MFSD1: variants seen among roughly 807,000 people sequenced by gnomAD.
MFSD1 encodes the protein major facilitator superfamily domain containing 1, also known as lysosomal dipeptide transporter MFSD1.
Under a neutral mutation model 67.1 loss-of-function variants are expected in MFSD1, and 59 were observed. The ratio of observed to expected loss-of-function variants is 0.88; its 90% CI spans 0.71 to 1.09. MFSD1 has a LOEUF of 1.09. Among genes scored for constraint, MFSD1 ranks in the 50% least tolerant of loss-of-function variants. The pLI is 0.00. For missense variants in MFSD1, 552 were observed against 566.1 expected (o/e 0.97, Z 0.25); for synonymous variants, 213 against 200.3 (o/e 1.06, Z -0.54).
chr3:158,827,479 G>A (rs1731042126), intron 15 of MFSD1, 142 bp downstream of exon 15: 2 of 486,326 alleles, frequency 4.1e-6, no homozygotes, highest in Non-Finnish European at 7.1e-6. Flanking sequence ...TAGTGGCATG[G>A]TCACAGCTCA....
intron 13 of MFSD1, 31 bp from the exon 14 acceptor site, chr3:158,825,984 T>C: frequency 6.3e-7 from 1 of 1,582,610 alleles, no homozygotes; most frequent in East Asian, 2.2e-5. Flanking sequence ...GAAATACATA[T>C]TTTAAGGGCC....
chr3:158,817,175 T>G (rs1242392009), intron 7 of MFSD1, among the ~76,000 whole-genome samples: 1 of 152,124 alleles, frequency 6.6e-6, no homozygotes, highest in Non-Finnish European at 1.5e-5. Flanking sequence ...AGCATTCCCT[T>G]TGAAAACTGG....
intron 2 of MFSD1, among the ~76,000 whole-genome samples, chr3:158,805,142 T>A (rs1475394312): frequency 6.6e-6 from 1 of 152,168 alleles, no homozygotes; most frequent in Non-Finnish European, 1.5e-5. Flanking sequence ...ACTCAAGAAG[T>A]TCCCAGGGTT....
At chr3:158,828,688 G>T (rs558648802) in intron 15 of MFSD1, among the ~76,000 whole-genome samples, 1 of 152,000 alleles carries the variant, frequency 6.6e-6, no homozygotes, top group African/African-American at 2.4e-5. Context: ...TCACATGCTT[G>T]TTTTAAACCC....
At chr3:158,825,047 CT>C (rs1381398544) in intron 13 of MFSD1, 1 of 152,126 alleles carries the variant, frequency 6.6e-6, no homozygotes, top group Non-Finnish European at 1.5e-5. Context: ...TGTTTTTTGT[CT>C]ATTTTTGTTG....
At chr3:158,811,823 A>G (rs1392999594) in intron 6 of MFSD1, among the ~76,000 whole-genome samples, 1 of 152,202 alleles carries the variant, frequency 6.6e-6, no homozygotes, top group East Asian at 1.9e-4. Context: ...GCATTACTCA[A>G]ATAAGCAACA....
At chr3:158,824,050 T>C in intron 12 of MFSD1, 74 bp from the exon 13 acceptor site, 2 of 982,330 alleles carry the variant, frequency 2.0e-6, no homozygotes, top group Non-Finnish European at 3.2e-6. Context: ...GATACTAATA[T>C]TTATAGTGAA....
intron 2 of MFSD1, 139 bp from the exon 3 acceptor site, chr3:158,805,223 T>G: frequency 1.4e-6 from 1 of 704,668 alleles, no homozygotes; most frequent in South Asian, 1.6e-5. Flanking sequence ...TTAGTGAGAC[T>G]TATAAATGGT....
At chr3:158,812,797 C>T (rs886954701) in intron 6 of MFSD1, among the ~76,000 whole-genome samples, 1 of 152,134 alleles carries the variant, frequency 6.6e-6, no homozygotes, top group Non-Finnish European at 1.5e-5. Flanking sequence ...GCTTCCCTTC[C>T]CACCATTTCC....
intron 7 of MFSD1, among the ~76,000 whole-genome samples, chr3:158,815,305 T>G (rs1246814334): frequency 6.6e-6 from 1 of 151,984 alleles, no homozygotes; most frequent in Non-Finnish European, 1.5e-5. Context: ...TTCTGTCATC[T>G]TGGATAAGAA....
Position 158,802,132 on chromosome 3 carries a change from T to A in MFSD1, c.-21T>A, listed in dbSNP as rs780036090. ...GTTTGGAGTTGTCACCACTTTCCCC[T>A]CTCCGTCTCCTGCGGGCGCAATGGA... On this transcript the variant is annotated 5_prime_UTR_variant, in exon 1 of 16. Coordinates refer to ENST00000415822, the MANE Select transcript of MFSD1 (RefSeq NM_022736.4). 1 of 1,611,190 alleles carries A rather than the reference T, an allele frequency of 6.2e-7. No individual in the cohort carries two copies. The highest frequency in any genetic ancestry group is 2.2e-5 in the East Asian group (1 of 44,816).
At position 158,823,500 on chromosome 3, in the gene MFSD1, C is replaced by T. The variant is rs373205664; in HGVS notation, c.1150C>T (p.His384Tyr). The change falls in exon 12 of 16, where the codon CAT becomes TAT. Residue 384 changes from histidine (H) to tyrosine (Y), a missense_variant. Coordinates refer to ENST00000415822, the MANE Select transcript of MFSD1 (RefSeq NM_022736.4). ...WPMVAFVVPE[H>Y]QLGTAYGFMQ... ...AATGGTGGCATTTGTAGTTCCTGAA[C>T]ATCAGCTGGGAACTGCATATGGCTT... 1.9e-5 allele frequency: 31 copies of T among 1,612,624 alleles called. No individual in the cohort carries two copies. Among genetic ancestry groups the T allele is most frequent in the Non-Finnish European group, 2.6e-5 (31 of 1,178,744 alleles).
In MFSD1 at chr3:158,822,296, A is replaced by G. The variant is rs956974595; in HGVS notation, c.1077+156A>G. On this transcript the variant is annotated intron_variant, in intron 11 of 15. Coordinates refer to ENST00000415822, the MANE Select transcript of MFSD1 (RefSeq NM_022736.4). ...AATATCTACAAAATAATTATTTTTTAAAGTATAATTATGAATTATTAACAT... is the reference window on the plus strand; with the variant it reads ...AATATCTACAAAATAATTATTTTTTGAAGTATAATTATGAATTATTAACAT... 9 of 496,332 alleles carry G rather than the reference A, an allele frequency of 1.8e-5. No individual in the cohort carries two copies. The East Asian group carries it at 1.8e-4, about 10-fold the overall frequency. The allele number at this position is 496,332 out of a possible 1,614,324, so 30.7% of individuals were successfully genotyped here.
intron 1 of MFSD1, among the ~76,000 whole-genome samples, chr3:158,803,013 A>G (rs562062388): frequency 6.6e-6 from 1 of 152,272 alleles, no homozygotes; most frequent in Admixed American, 6.5e-5. Context: ...GCTTCAGTGA[A>G]TAGATATTGT....
At chr3:158,805,245 T>C in intron 2 of MFSD1, 117 bp from the exon 3 acceptor site, 4 of 813,826 alleles carry the variant, frequency 4.9e-6, no homozygotes, top group South Asian at 1.4e-5. Context: ...AAAAAAAACT[T>C]GCCCTTTACA....
chr3:158,827,420 GT>G (rs61485884), intron 15 of MFSD1, 83 bp downstream of exon 15: 44,602 of 470,748 alleles, frequency 0.095, 27 homozygotes, highest in South Asian at 0.12. Flanking sequence ...GGGCTTTGAA[GT>G]TTTTTTTTTT....
At chr3:158,826,121 C>A in intron 14 of MFSD1, 59 bp downstream of exon 14, 1 of 1,420,160 alleles carries the variant, frequency 7.0e-7, no homozygotes, top group South Asian at 1.2e-5. Flanking sequence ...TGTGGGGTCT[C>A]TGGGTCTGCC....
rs1729923729 is a variant in MFSD1, at chr3:158,810,117, CA to C, written c.549+831del. 3.9e-5 allele frequency among the ~76,000 whole-genome samples: 6 copies of C among 152,248 alleles called. No individual in the cohort carries two copies. In the South Asian group the frequency reaches 1.2e-3, roughly 32 times the overall value. ...TTGGCTCATGGTAGCCTCGACCTCC[CA>C]GGTTTAAGTGATTTTCCCACCTCAG... On this transcript the variant is annotated intron_variant, in intron 6 of 15. Transcript: ENST00000415822.
chr3:158,815,760 G>C (rs375003495), intron 7 of MFSD1, among the ~76,000 whole-genome samples: 9 of 150,808 alleles, frequency 6.0e-5, no homozygotes, highest in Non-Finnish European at 1.3e-4. Flanking sequence ...CCATTAACTC[G>C]TCATTTAGCA....
Sources: gnomAD v4.1 joint callset for allele counts (sites outside exome capture counted in the v4.1 genomes callset) on GRCh38, gnomAD v4.1.1 for gene constraint, MANE v1.5 for transcripts, NCBI Gene and HGNC (gene_info 2026-07-23, HGNC 2026-07-21) for gene names.